MBNL1: variants seen among roughly 807,000 people sequenced by gnomAD.
MBNL1 encodes the protein muscleblind like splicing regulator 1, also known as muscleblind-like protein 1.
A neutral mutation model predicts 42.2 loss-of-function variants in MBNL1; 8 were observed. That is an observed-to-expected ratio of 0.19 (90% CI 0.11 to 0.34). The LOEUF is 0.34. Among genes scored for constraint, MBNL1 ranks in the 10% least tolerant of loss-of-function variants. The probability of loss-of-function intolerance (pLI) is 1.00; values close to 1 mark genes in which losing one functional copy is unlikely to be tolerated. For missense variants in MBNL1, 309 were observed against 495.3 expected (o/e 0.62, Z 3.57); for synonymous variants, 169 against 173.9 (o/e 0.97, Z 0.22).
intron 2 of MBNL1, chr3:152,338,673 G>T (rs2092089520): frequency 2.0e-6 from 2 of 985,208 alleles, no homozygotes; most frequent in African/African-American, 3.5e-5. Context: ...GATATGTAAA[G>T]GTAAGATTCT....
At chr3:152,375,835 C>CT (rs991801942) in intron 2 of MBNL1, among the ~76,000 whole-genome samples, 2 of 151,536 alleles carry the variant, frequency 1.3e-5, no homozygotes. Context: ...AAAAAAAAGA[C>CT]TGAGTACTTA....
chr3:152,357,276 T>C (rs1186031100), intron 2 of MBNL1, among the ~76,000 whole-genome samples: 2 of 152,186 alleles, frequency 1.3e-5, no homozygotes, highest in East Asian at 1.9e-4. Flanking sequence ...CCCACAGTTA[T>C]AGTCAAGACC....
At chr3:152,394,009 A>G (rs2097828283) in intron 2 of MBNL1, among the ~76,000 whole-genome samples, 1 of 152,220 alleles carries the variant, frequency 6.6e-6, no homozygotes, top group Admixed American at 6.5e-5. Flanking sequence ...ATTTAGTTAT[A>G]AATCTATTTT....
chr3:152,247,878 T>G (rs1276820080), intron 2 of MBNL1, among the ~76,000 whole-genome samples: 2 of 152,046 alleles, frequency 1.3e-5, no homozygotes, highest in Non-Finnish European at 2.9e-5. Context: ...TCATTAATAT[T>G]GCAACCTTGG....
intron 2 of MBNL1, among the ~76,000 whole-genome samples, chr3:152,325,623 G>T (rs1161333707): frequency 6.6e-6 from 1 of 151,018 alleles, no homozygotes; most frequent in Non-Finnish European, 1.5e-5. Flanking sequence ...TTATTTTCAT[G>T]CTACAGATAT....
At chr3:152,444,101 A>G (rs565982866) in intron 4 of MBNL1, among the ~76,000 whole-genome samples, 1 of 152,342 alleles carries the variant, frequency 6.6e-6, no homozygotes, top group South Asian at 2.1e-4. Context: ...TAACTTCAAA[A>G]TAAAGTGCTT....
chr3:152,338,545 C>G, intron 2 of MBNL1: 1 of 985,382 alleles, frequency 1.0e-6, no homozygotes, highest in Non-Finnish European at 1.2e-6. Context: ...AGCCTGGACA[C>G]TCAGTGGTAG....
intron 2 of MBNL1, among the ~76,000 whole-genome samples, chr3:152,391,991 A>G (rs187363442): frequency 1.4e-4 from 21 of 152,292 alleles, no homozygotes; most frequent in Non-Finnish European, 1.6e-4. Flanking sequence ...CTTTGTTTCT[A>G]TAATATCAAT....
At chr3:152,357,323 T>G (rs2095599442) in intron 2 of MBNL1, among the ~76,000 whole-genome samples, 2 of 152,208 alleles carry the variant, frequency 1.3e-5, no homozygotes, top group Admixed American at 1.3e-4. Context: ...TTGAACGGAC[T>G]TTTTACATCT....
At chr3:152,418,751 C>G (rs1335411546) in intron 3 of MBNL1, among the ~76,000 whole-genome samples, 3 of 135,610 alleles carry the variant, frequency 2.2e-5, no homozygotes, top group Non-Finnish European at 3.1e-5. Flanking sequence ...GAATCTCACT[C>G]TGTTGCCCAG....
intron 2 of MBNL1, among the ~76,000 whole-genome samples, chr3:152,360,902 A>G (rs905622467): frequency 6.6e-6 from 1 of 152,150 alleles, no homozygotes; most frequent in African/African-American, 2.4e-5. Context: ...GATTAATTAT[A>G]CTTAATAATT....
At chr3:152,277,152 A>G (rs2045715792) in intron 1 of MBNL1, among the ~76,000 whole-genome samples, 1 of 152,236 alleles carries the variant, frequency 6.6e-6, no homozygotes, top group South Asian at 2.1e-4. Flanking sequence ...CTTAAGTAGA[A>G]GATACATGTT....
At chr3:152,446,020 T>C (rs1462504737) in intron 5 of MBNL1, among the ~76,000 whole-genome samples, 1 of 152,200 alleles carries the variant, frequency 6.6e-6, no homozygotes, top group East Asian at 1.9e-4. Context: ...TACAGGATTT[T>C]GAGTAGTATA....
chr3:152,384,201 AC>A (rs2097309116), intron 2 of MBNL1, among the ~76,000 whole-genome samples: 1 of 152,140 alleles, frequency 6.6e-6, no homozygotes, highest in Non-Finnish European at 1.5e-5. Flanking sequence ...GGCAGAATGT[AC>A]CAAACTGCCT....
intron 1 of MBNL1, among the ~76,000 whole-genome samples, chr3:152,277,183 T>C (rs886426036): frequency 6.6e-6 from 1 of 152,186 alleles, no homozygotes; most frequent in Non-Finnish European, 1.5e-5. Context: ...AACATTTCAT[T>C]TCTGTGCTAA....
chr3:152,338,210 A>G, intron 2 of MBNL1: 1 of 985,068 alleles, frequency 1.0e-6, no homozygotes, highest in Non-Finnish European at 1.2e-6. Context: ...GCATTTCTCC[A>G]TTGCTTCTTG....
chr3:152,390,636 C>A (rs1243512716), intron 2 of MBNL1, among the ~76,000 whole-genome samples: 5 of 151,838 alleles, frequency 3.3e-5, no homozygotes, highest in Admixed American at 2.6e-4. Context: ...CACACACACA[C>A]ACACACACAC....
chr3:152,419,807 T>C (rs1361157956), intron 3 of MBNL1, among the ~76,000 whole-genome samples: 1 of 152,054 alleles, frequency 6.6e-6, no homozygotes, highest in Non-Finnish European at 1.5e-5. Flanking sequence ...GGGAGCCAAG[T>C]GGTCTTGCTC....
intron 2 of MBNL1, among the ~76,000 whole-genome samples, chr3:152,383,081 G>A (rs1484934100): frequency 6.6e-6 from 1 of 152,080 alleles, no homozygotes; most frequent in Non-Finnish European, 1.5e-5. Context: ...TTTGACACAA[G>A]TTTACCATGC....
Sources: gnomAD v4.1 joint callset for allele counts (sites outside exome capture counted in the v4.1 genomes callset) on GRCh38, gnomAD v4.1.1 for gene constraint, MANE v1.5 for transcripts, NCBI Gene and HGNC (gene_info 2026-07-23, HGNC 2026-07-21) for gene names.